The following EEFSEC variants were observed in gnomAD, a reference collection of about 807,000 sequenced individuals.
The protein encoded by EEFSEC is eukaryotic elongation factor, selenocysteine-tRNA specific, also known as selenocysteine-specific elongation factor.
In EEFSEC, 43 loss-of-function variants were observed where a neutral mutation model predicts 42.1. The ratio of observed to expected loss-of-function variants is 1.02; its 90% confidence interval spans 0.80 to 1.32. The LOEUF (loss-of-function observed/expected upper bound fraction) is 1.32, where lower values mean the gene tolerates loss of function less well. Among genes scored for constraint, EEFSEC ranks in the 40% most tolerant of loss-of-function variants. EEFSEC has a pLI of 0.00. For synonymous variants in EEFSEC, 354 were observed against 339.1 expected (o/e 1.04, Z -0.48); for missense variants, 745 against 803.6 (o/e 0.93, Z 0.88).
chr3:128,299,326 T>C (rs963560041), intron 4 of EEFSEC, among the ~76,000 whole-genome samples: 1 of 152,202 alleles, frequency 6.6e-6, no homozygotes, highest in African/African-American at 2.4e-5. Flanking sequence ...ATTCGTAAAG[T>C]TGAGCATTTT....
intron 4 of EEFSEC, among the ~76,000 whole-genome samples, chr3:128,284,748 C>G (rs912323399): frequency 3.9e-5 from 6 of 152,254 alleles, no homozygotes; most frequent in Non-Finnish European, 8.8e-5. Context: ...TGTACAAATT[C>G]ATGAACTAAG....
At chr3:128,318,264 G>A (rs2066969840) in intron 4 of EEFSEC, among the ~76,000 whole-genome samples, 1 of 152,250 alleles carries the variant, frequency 6.6e-6, no homozygotes, top group African/African-American at 2.4e-5. Flanking sequence ...GGCAAGTGCT[G>A]TCCTTTGCAA....
intron 2 of EEFSEC, among the ~76,000 whole-genome samples, chr3:128,258,718 A>G (rs1017707650): frequency 6.6e-6 from 1 of 152,352 alleles, no homozygotes; most frequent in South Asian, 2.1e-4. Context: ...CTATAATTAT[A>G]GCTATCATAT....
chr3:128,332,748 C>T (rs1433225800), intron 4 of EEFSEC, among the ~76,000 whole-genome samples: 1 of 152,214 alleles, frequency 6.6e-6, no homozygotes, highest in Non-Finnish European at 1.5e-5. Flanking sequence ...GCAGGGGCAG[C>T]GCTGGCAGTC....
At chr3:128,224,010 T>G (rs915908435) in intron 1 of EEFSEC, among the ~76,000 whole-genome samples, 26 of 152,224 alleles carry the variant, frequency 1.7e-4, no homozygotes, top group African/African-American at 5.5e-4. Flanking sequence ...TATTCTTTCC[T>G]GCTCTTTTTG....
intron 1 of EEFSEC, among the ~76,000 whole-genome samples, chr3:128,156,602 C>A (rs1377851380): frequency 6.6e-6 from 1 of 152,242 alleles, no homozygotes; most frequent in Non-Finnish European, 1.5e-5. Context: ...TCAAACTTTT[C>A]ATCAAATATT....
chr3:128,420,064 G>A, the EEFSEC span, among the ~76,000 whole-genome samples: 1 of 152,080 alleles, frequency 6.6e-6, no homozygotes, highest in Non-Finnish European at 1.5e-5. Context: ...ACATGGAGAC[G>A]GGAAGAAAGA....
chr3:128,348,251 T>G (rs2067336741), intron 5 of EEFSEC, among the ~76,000 whole-genome samples: 1 of 112,088 alleles, frequency 8.9e-6, no homozygotes, highest in African/African-American at 4.7e-5. Flanking sequence ...AAAGTGTGCA[T>G]GCGTGTGTGT....
At chr3:128,324,050 G>A (rs975323195) in intron 4 of EEFSEC, among the ~76,000 whole-genome samples, 5 of 152,126 alleles carry the variant, frequency 3.3e-5, no homozygotes, top group Admixed American at 6.5e-5. Flanking sequence ...CCATGGACAC[G>A]GACCTCTCAC....
At chr3:128,412,483 G>C (rs758401102), downstream of EEFSEC, among the ~76,000 whole-genome samples, 30 of 152,346 alleles carry the variant, frequency 2.0e-4, no homozygotes, top group Middle Eastern at 3.4e-3. Flanking sequence ...TCCTGCCAAG[G>C]GGCTGCATGG....
At chr3:128,359,726 A>C (rs1008908675) in intron 6 of EEFSEC, among the ~76,000 whole-genome samples, 1 of 152,238 alleles carries the variant, frequency 6.6e-6, no homozygotes, top group African/African-American at 2.4e-5. Flanking sequence ...TGTCCTCTAC[A>C]TAACTCCAGG....
intron 4 of EEFSEC, among the ~76,000 whole-genome samples, chr3:128,292,534 G>A (rs1363076785): frequency 2.0e-5 from 3 of 151,586 alleles, no homozygotes; most frequent in East Asian, 1.9e-4. Flanking sequence ...TTATTCTTGT[G>A]TGTGTTTTGT....
rs1200816447 is a variant in EEFSEC at position 128,188,072 on chromosome 3, C to T, written c.316+34249C>T. Among the ~76,000 whole-genome samples, 6 of 152,214 alleles carry T rather than the reference C, an allele frequency of 3.9e-5. No individual in the cohort carries two copies. The East Asian group carries it at 1.2e-3, about 29-fold the overall frequency. ...GGGCAGCAGACAGGTCTGTGGTTTA[C>T]AGAGTTTACCCTGGCATTGATGGGT... On this transcript the variant is annotated intron_variant, in intron 1 of 6. Coordinates refer to ENST00000254730, the MANE Select transcript of EEFSEC (RefSeq NM_021937.5).
intron 4 of EEFSEC, among the ~76,000 whole-genome samples, chr3:128,292,590 TAA>T (rs1392253049): frequency 6.6e-6 from 1 of 151,894 alleles, no homozygotes; most frequent in African/African-American, 2.4e-5. Flanking sequence ...TTTATTGGCA[TAA>T]AGTTAATTGT....
downstream of EEFSEC, among the ~76,000 whole-genome samples, chr3:128,412,911 C>T (rs979155263): frequency 3.9e-5 from 6 of 152,076 alleles, no homozygotes; most frequent in African/African-American, 9.7e-5. Context: ...GGCCGGACCT[C>T]GGGCAGCCAG....
At chr3:128,409,894 G>T (rs564179211), downstream of EEFSEC, among the ~76,000 whole-genome samples, 1 of 152,332 alleles carries the variant, frequency 6.6e-6, no homozygotes, top group African/African-American at 2.4e-5. Context: ...CACCAGGAAG[G>T]CAGTGCCACT....
chr3:128,284,482 G>C (rs2066562692), intron 4 of EEFSEC, among the ~76,000 whole-genome samples: 2 of 152,074 alleles, frequency 1.3e-5, no homozygotes, highest in Non-Finnish European at 2.9e-5. Flanking sequence ...TTCTGGCACT[G>C]TGCAGGCCAC....
chr3:128,233,356 A>G (rs1376977273), intron 1 of EEFSEC, among the ~76,000 whole-genome samples: 1 of 152,280 alleles, frequency 6.6e-6, no homozygotes, highest in East Asian at 1.9e-4. Context: ...TTAAACATAC[A>G]TGTGAGTAAA....
At chr3:128,354,361 C>T (rs1189469991) in intron 5 of EEFSEC, among the ~76,000 whole-genome samples, 1 of 152,206 alleles carries the variant, frequency 6.6e-6, no homozygotes, top group African/African-American at 2.4e-5. Flanking sequence ...ACTCCAGCCC[C>T]AGAGGCCCTC....
Sources: allele counts gnomAD v4.1 joint callset (sites outside exome capture counted in the v4.1 genomes callset), GRCh38; gene constraint gnomAD v4.1.1; transcripts MANE v1.5; gene names NCBI Gene and HGNC (gene_info 2026-07-23, HGNC 2026-07-21).